The following EML5 variants were observed in gnomAD, a reference collection of about 807,000 sequenced individuals.
The protein encoded by EML5 is echinoderm microtubule-associated protein-like 5.
A neutral mutation model predicts 250.0 loss-of-function variants in EML5; 120 were observed. The observed-to-expected ratio is 0.48, with a 90% CI of 0.41 to 0.56. EML5 has a LOEUF of 0.56. EML5 is among the 20% of genes least tolerant of loss of function. The pLI is 0.00. For synonymous variants in EML5, 771 were observed against 806.5 expected (o/e 0.96, Z 0.75); for missense variants, 2,006 against 2,437.6 (o/e 0.82, Z 3.73).
rs148523758 is a variant in EML5 at position 88,777,437 on chromosome 14, C to T, written c.197+14870G>A. 5.6e-3 allele frequency among the ~76,000 whole-genome samples: 859 copies of T among 152,244 alleles called. 7 individuals carry two copies. The highest frequency in any genetic ancestry group is 0.02 in the African/African-American group (829 of 41,534). On this transcript the variant is annotated intron_variant, in intron 1 of 43. Transcript: ENST00000554922. ...GTCCTACAAGAAATGCTAAAGGAAG[C>T]ACTTCAATCAGAAAGAAAAGGACAT... is the stretch of plus-strand genomic sequence containing the variant.
At chr14:88,632,937 A>G (rs2090520321) in intron 33 of EML5, among the ~76,000 whole-genome samples, 1 of 152,186 alleles carries the variant, frequency 6.6e-6, no homozygotes, top group African/African-American at 2.4e-5. Flanking sequence ...AATCCCTGGC[A>G]TGAGGGTGTT....
intron 33 of EML5, among the ~76,000 whole-genome samples, chr14:88,633,338 T>A (rs1040072638): frequency 2.0e-5 from 3 of 152,132 alleles, no homozygotes; most frequent in African/African-American, 7.2e-5. Context: ...CAGGCTGGAC[T>A]TGAACTCCTG....
intron 31 of EML5, among the ~76,000 whole-genome samples, chr14:88,642,191 T>C (rs1487458189): frequency 1.3e-5 from 2 of 152,188 alleles, no homozygotes; most frequent in Non-Finnish European, 1.5e-5. Flanking sequence ...ATAACCTTTA[T>C]TTTTACTTCT....
chr14:88,731,498 T>C (rs1285119480), intron 7 of EML5, among the ~76,000 whole-genome samples: 1 of 152,174 alleles, frequency 6.6e-6, no homozygotes, highest in African/African-American at 2.4e-5. Context: ...TTCCAAGTCT[T>C]TGCTATTGTG....
intron 21 of EML5, among the ~76,000 whole-genome samples, chr14:88,677,167 A>G (rs1292371958): frequency 6.6e-6 from 1 of 152,124 alleles, no homozygotes; most frequent in Non-Finnish European, 1.5e-5. Context: ...GGCCTCCCAT[A>G]GTGCTAGGAT....
At chr14:88,626,808 G>A (rs760447346) in intron 35 of EML5, 30 bp downstream of exon 35, 11 of 1,608,940 alleles carry the variant, frequency 6.8e-6, no homozygotes, top group Non-Finnish European at 9.3e-6. Flanking sequence ...AGTAGTCAAA[G>A]TCACACTATG....
intron 2 of EML5, among the ~76,000 whole-genome samples, chr14:88,747,278 G>A (rs2094018871): frequency 6.6e-6 from 1 of 152,066 alleles, no homozygotes; most frequent in African/African-American, 2.4e-5. Flanking sequence ...CAGGCGTGGT[G>A]ACTCACGCCT....
chr14:88,721,853 T>C lies in EML5; in HGVS notation c.1187+4688A>G, dbSNP rs560122249. Among the ~76,000 whole-genome samples, 12 of 152,194 alleles carry C rather than the reference T, an allele frequency of 7.9e-5. No individual in the cohort carries two copies. The South Asian group carries it at 2.3e-3, about 29-fold the overall frequency. On this transcript the variant is annotated intron_variant, in intron 8 of 43. Coordinates refer to ENST00000554922, the MANE Select transcript of EML5 (RefSeq NM_183387.3). ...GCAACCTACAGAGTGGGAAAAAATA[T>C]TTGCAATCTATCCATCTGACAAAGG...
rs2092253746 is a variant in EML5 at position 88,664,680 on chromosome 14, ACT to A, written c.3278-58_3278-57del. 5.6e-5 allele frequency: 86 copies of A among 1,539,662 alleles called. No homozygotes were observed. The South Asian group carries it at 1.1e-3, about 19-fold the overall frequency. On this transcript the variant is annotated intron_variant, in intron 22 of 43. Coordinates refer to ENST00000554922, the MANE Select transcript of EML5 (RefSeq NM_183387.3). ...TCTATCTTTGGAAATACTTTTTTAC[ACT>A]CTGCAACTAGAGTTAATTTTCCTTT... is the stretch of plus-strand genomic sequence containing the variant.
chr14:88,702,478 G>A lies in EML5; in HGVS notation c.2206C>T (p.His736Tyr), dbSNP rs376439317. 1.9e-6 allele frequency: 3 copies of A among 1,612,842 alleles called. No individual in the cohort carries two copies. In the African/African-American group the frequency reaches 4.0e-5, roughly 22 times the overall value. ...HDDDILCLTIHPLKDYVATGQ... is the reference protein window; with the variant it reads ...HDDDILCLTIYPLKDYVATGQ... Reference sequence around the variant, plus strand: ...GTTGCCACGTAGTCTTTCAAAGGATGAATAGTTAGGCAGAGAATATCATCA... The same window carrying A: ...GTTGCCACGTAGTCTTTCAAAGGATAAATAGTTAGGCAGAGAATATCATCA... The change falls in exon 14 of 44, where the codon CAT (histidine) becomes TAT (tyrosine). Residue 736 changes from histidine (H) to tyrosine (Y), a missense_variant. Coordinates refer to ENST00000554922, the MANE Select transcript of EML5 (RefSeq NM_183387.3).
chr14:88,766,203 G>C (rs997840068), intron 1 of EML5, among the ~76,000 whole-genome samples: 4 of 152,052 alleles, frequency 2.6e-5, no homozygotes, highest in Non-Finnish European at 4.4e-5. Context: ...TGAAATCTGG[G>C]CACCTTGAAA....
chr14:88,617,377 C>T (rs1385567140), intron 41 of EML5: 1 of 152,762 alleles, frequency 6.5e-6, no homozygotes, highest in African/African-American at 2.4e-5. Context: ...GAACTCCCGA[C>T]CTCAGGTGAT....
chr14:88,705,622 AAAG>A lies in EML5; in HGVS notation c.1826-37_1826-35del, dbSNP rs374371445. On this transcript the variant is annotated intron_variant, in intron 11 of 43. Coordinates refer to ENST00000554922, the MANE Select transcript of EML5 (RefSeq NM_183387.3). ...TTTAAAAATGAAATGTTACTTGTTT[AAAG>A]AAGATTCATTTTCAAAACAGCACTG... 115 of 1,469,746 alleles carry A rather than the reference AAAG, an allele frequency of 7.8e-5. No homozygotes were observed. In the African/African-American group the frequency reaches 1.3e-3, roughly 17 times the overall value. 91.0% of individuals were successfully genotyped at this position (1,469,746 alleles called of 1,614,324 possible). A position where few individuals can be genotyped will look rare whatever the true frequency, so the allele number is the denominator to read the frequency against.
At chr14:88,624,811 T>C (rs570156368) in intron 36 of EML5, 159 bp downstream of exon 36, 2 of 809,930 alleles carry the variant, frequency 2.5e-6, no homozygotes, top group East Asian at 5.6e-5. Context: ...GAAATGAGAA[T>C]CAAATAGAAG....
chr14:88,634,809 T>C (rs1007289044), intron 32 of EML5, among the ~76,000 whole-genome samples: 3 of 152,198 alleles, frequency 2.0e-5, no homozygotes, highest in African/African-American at 7.2e-5. Flanking sequence ...TTTATAAAAA[T>C]GTACTGCTAA....
At chr14:88,752,253 T>C (rs182471136) in intron 2 of EML5, among the ~76,000 whole-genome samples, 1 of 152,216 alleles carries the variant, frequency 6.6e-6, no homozygotes, top group East Asian at 1.9e-4. Context: ...AAAGGGCAAA[T>C]TTAAAGCTAA....
intron 1 of EML5, among the ~76,000 whole-genome samples, chr14:88,783,473 G>A (rs1208530315): frequency 2.0e-5 from 3 of 152,088 alleles, no homozygotes; most frequent in African/African-American, 7.2e-5. Flanking sequence ...TAAAAGGATG[G>A]AAAAAGATAT....
In EML5 at chr14:88,614,322, AC is replaced by A. The variant is rs1448836348; in HGVS notation, c.*1495del. 2 of 152,358 alleles carry A rather than the reference AC, an allele frequency of 1.3e-5. No homozygotes were observed. Among genetic ancestry groups the A allele is most frequent in the East Asian group, 1.9e-4 (1 of 5,194 alleles). The allele number at this position is 152,358 out of a possible 1,614,324, so 9.4% of individuals were successfully genotyped here. On this transcript the variant is annotated 3_prime_UTR_variant, in exon 44 of 44. Coordinates refer to ENST00000554922, the MANE Select transcript of EML5 (RefSeq NM_183387.3). Reference sequence around the variant, plus strand: ...TCCACTGATGAACAAGTACCAACTTACGTTTCAAGCTTCTTAGCCCCATAAT... The same window carrying A: ...TCCACTGATGAACAAGTACCAACTTAGTTTCAAGCTTCTTAGCCCCATAAT...
chr14:88,751,086 A>G (rs1014238823), intron 2 of EML5, among the ~76,000 whole-genome samples: 1 of 152,228 alleles, frequency 6.6e-6, no homozygotes, highest in Non-Finnish European at 1.5e-5. Context: ...ATAACAAACT[A>G]GACTTGAGAG....
Sources: gnomAD v4.1 joint callset for allele counts (sites outside exome capture counted in the v4.1 genomes callset) on GRCh38, gnomAD v4.1.1 for gene constraint, MANE v1.5 for transcripts, NCBI Gene and HGNC (gene_info 2026-07-23, HGNC 2026-07-21) for gene names.